Variants in KCNG2 observed in about 807,000 individuals in gnomAD.
KCNG2 encodes potassium voltage-gated channel modifier subfamily G member 2, also known as voltage-gated potassium channel regulatory subunit KCNG2.
KCNG2 carries 7 observed loss-of-function variants against 12.3 expected under a neutral mutation model. The observed-to-expected ratio is 0.57, with a 90% CI of 0.32 to 1.07. The LOEUF (loss-of-function observed/expected upper bound fraction) is 1.07, where lower values mean the gene tolerates loss of function less well. Ranked by LOEUF, KCNG2 falls within the 50% of genes least tolerant of loss-of-function variation. KCNG2 has a pLI of 0.04. For missense variants in KCNG2, 703 were observed against 726.0 expected (o/e 0.97, Z 0.36); for synonymous variants, 414 against 351.4 (o/e 1.18, Z -1.99).
chr18:79,821,218 A>G (rs557351899), intron 1 of KCNG2, among the ~76,000 whole-genome samples: 30 of 151,594 alleles, frequency 2.0e-4, no homozygotes, highest in Non-Finnish European at 4.0e-4. Context: ...AGATTTGACC[A>G]CATGTTTTAT....
chr18:79,798,284 G>T (rs1001794584), intron 1 of KCNG2, among the ~76,000 whole-genome samples: 1 of 152,026 alleles, frequency 6.6e-6, no homozygotes, highest in Non-Finnish European at 1.5e-5. Context: ...GGAGTCGAGG[G>T]GGGCGTCGGG....
chr18:79,803,260 C>T lies in KCNG2; in HGVS notation c.-115+5246C>T, dbSNP rs1407596501. Among the ~76,000 whole-genome samples the T allele has an allele frequency of 6.6e-6, 1 of 151,812 alleles. No homozygotes were observed. Among genetic ancestry groups the T allele is most frequent in the African/African-American group, 2.4e-5 (1 of 41,274 alleles). ...AGGGCCAGCCCCCTCATCTCCAGGC[C>T]CCCAGCTCTTTCACCTCTGTAGTCA... On this transcript the variant is annotated intron_variant, in intron 1 of 3. Transcript: ENST00000316249. This position sits in a 1 kb window ranked among gnomAD's most constrained non-coding sequence, Gnocchi z 4.5.
chr18:79,816,714 G>C (rs1260049931), intron 1 of KCNG2, among the ~76,000 whole-genome samples: 1 of 152,180 alleles, frequency 6.6e-6, no homozygotes, highest in Non-Finnish European at 1.5e-5. Flanking sequence ...TGTTCTCGCC[G>C]ACCTGGCTGA....
chr18:79,852,768 GTAAT>G (rs1978871044), intron 1 of KCNG2, among the ~76,000 whole-genome samples: 1 of 152,240 alleles, frequency 6.6e-6, no homozygotes, highest in Non-Finnish European at 1.5e-5. Context: ...GGGCGGAGCC[GTAAT>G]TAAAGTCCAG....
intron 1 of KCNG2, among the ~76,000 whole-genome samples, chr18:79,828,764 C>T (rs560211171): frequency 2.5e-4 from 32 of 126,014 alleles, no homozygotes; most frequent in African/African-American, 8.7e-4. Context: ...TCTATGTGTG[C>T]GTGTGTGTAA....
intron 3 of KCNG2, among the ~76,000 whole-genome samples, chr18:79,875,375 G>A (rs539787486): frequency 2.0e-5 from 3 of 151,882 alleles, no homozygotes; most frequent in South Asian, 2.1e-4. Context: ...TAGCACCACC[G>A]AGCACACATT....
chr18:79,799,513 G>A (rs1004313923), intron 1 of KCNG2, among the ~76,000 whole-genome samples: 8 of 152,230 alleles, frequency 5.3e-5, no homozygotes, highest in Non-Finnish European at 1.2e-4. Context: ...TCACATTCTC[G>A]GGACTATCCA....
At chr18:79,850,163 CCTCT>C (rs1490908372) in intron 1 of KCNG2, among the ~76,000 whole-genome samples, 3 of 152,214 alleles carry the variant, frequency 2.0e-5, no homozygotes, top group African/African-American at 7.2e-5. Context: ...GAAGCCCCTC[CCTCT>C]GTCTAATCAC....
At chr18:79,855,290 GCTGCAAACTT>G (rs1235554356) in intron 1 of KCNG2, among the ~76,000 whole-genome samples, 1 of 152,116 alleles carries the variant, frequency 6.6e-6, no homozygotes, top group Non-Finnish European at 1.5e-5. Flanking sequence ...CTGACATTGG[GCTGCAAACTT>G]CTTTGCTCTG....
At chr18:79,809,736 C>T (rs973882822) in intron 1 of KCNG2, among the ~76,000 whole-genome samples, 4 of 152,246 alleles carry the variant, frequency 2.6e-5, no homozygotes, top group South Asian at 2.1e-4. Context: ...GCAATCTTCA[C>T]GCCCACTCAA....
intron 3 of KCNG2, among the ~76,000 whole-genome samples, chr18:79,870,111 G>T (rs56333172): frequency 6.6e-6 from 1 of 152,206 alleles, no homozygotes; most frequent in African/African-American, 2.4e-5. Flanking sequence ...TGTGGCCTTC[G>T]GGAGTTTAGG....
intron 1 of KCNG2, among the ~76,000 whole-genome samples, chr18:79,821,886 C>CA (rs2123006323): frequency 6.6e-6 from 1 of 152,262 alleles, no homozygotes; most frequent in East Asian, 1.9e-4. Context: ...CCTTCTTTTT[C>CA]AAAATTGTAT....
intron 1 of KCNG2, among the ~76,000 whole-genome samples, chr18:79,832,621 G>A (rs1978302576): frequency 6.6e-6 from 1 of 152,084 alleles, no homozygotes; most frequent in Non-Finnish European, 1.5e-5. Flanking sequence ...TGGTATTCAT[G>A]AAACCTTGGA....
chr18:79,880,622 A>G (rs549560794), intron 3 of KCNG2, among the ~76,000 whole-genome samples: 1 of 152,186 alleles, frequency 6.6e-6, no homozygotes, highest in Non-Finnish European at 1.5e-5. Flanking sequence ...TACTCCTCTG[A>G]TACCAAACCA....
intron 1 of KCNG2, among the ~76,000 whole-genome samples, chr18:79,842,042 G>A (rs1282848512): frequency 1.3e-5 from 2 of 152,170 alleles, no homozygotes; most frequent in East Asian, 3.8e-4. Flanking sequence ...GGCCCCTGCA[G>A]ACCCAGGTGC....
chr18:79,863,809 G>T lies in KCNG2; in HGVS notation c.142G>T (p.Ala48Ser), dbSNP rs761580675. The change falls in exon 3 of 4, where the codon GCC becomes TCC. Residue 48 changes from alanine to serine, a missense_variant. By Grantham distance (99) the Ala-to-Ser change is moderately conservative. Transcript: ENST00000316249. ...CPLARLERLR[A>S]CRGHDDLLRV... ...CCTCGCGCGCCTGGAGCGCCTGCGC[G>T]CCTGCCGCGGCCACGACGACCTGCT... 8 of 1,335,048 alleles carry T rather than the reference G, an allele frequency of 6.0e-6. No individual in the cohort carries two copies. Among genetic ancestry groups the T allele is most frequent in the Middle Eastern group, 5.0e-4 (2 of 3,964 alleles). 82.7% of individuals were successfully genotyped at this position (1,335,048 alleles called of 1,614,324 possible). A position where few individuals can be genotyped will look rare whatever the true frequency, so the allele number is the denominator to read the frequency against.
chr18:79,807,116 G>T (rs969619252), intron 1 of KCNG2, among the ~76,000 whole-genome samples: 5 of 152,204 alleles, frequency 3.3e-5, no homozygotes, highest in Non-Finnish European at 5.9e-5. Flanking sequence ...GGTTTGGTCT[G>T]GCCAGCGAGG....
intron 1 of KCNG2, among the ~76,000 whole-genome samples, chr18:79,828,775 CGTGTCTGTGTGTGCAT>C (rs1182169062): frequency 9.0e-6 from 1 of 111,570 alleles, no homozygotes; most frequent in South Asian, 3.2e-4. Flanking sequence ...GTGTGTGTAA[CGTGTCTGTGTGTGCAT>C]GTGTCTGTGT....
chr18:79,840,685 A>C (rs1438728812), intron 1 of KCNG2, among the ~76,000 whole-genome samples: 3 of 152,228 alleles, frequency 2.0e-5, no homozygotes, highest in Non-Finnish European at 4.4e-5. Context: ...ACCTGATTTC[A>C]AGGCATGTTA....
Sources: allele counts gnomAD v4.1 joint callset (sites outside exome capture counted in the v4.1 genomes callset), GRCh38; gene constraint gnomAD v4.1.1; non-coding constraint Gnocchi (gnomAD v3.1); transcripts MANE v1.5; gene names NCBI Gene and HGNC (gene_info 2026-07-23, HGNC 2026-07-21).